NEGR1: variants seen among roughly 807,000 people sequenced by gnomAD.
The protein encoded by NEGR1 is neuronal growth regulator 1, also known as IgLON family member 4.
Under a neutral mutation model 40.9 loss-of-function variants are expected in NEGR1, and 10 were observed. That is an observed-to-expected ratio of 0.24 (90% CI 0.15 to 0.42). The LOEUF (loss-of-function observed/expected upper bound fraction) is 0.42, where lower values mean the gene tolerates loss of function less well. Ranked by LOEUF, NEGR1 falls within the 10% of genes least tolerant of loss-of-function variation. NEGR1 has a pLI of 1.00. For synonymous variants in NEGR1, 185 were observed against 166.8 expected, an observed-to-expected ratio of 1.11 and a Z score of -0.84; for missense variants, 352 against 438.9, an observed-to-expected ratio of 0.80 and a Z score of 1.77.
chr1:72,084,457 C>T (rs1648130347), intron 1 of NEGR1, among the ~76,000 whole-genome samples: 1 of 152,118 alleles, frequency 6.6e-6, no homozygotes, highest in Admixed American at 6.6e-5. Context: ...ATGCTCTTTC[C>T]TGAATTATTT....
In NEGR1 at chr1:72,151,126, G is replaced by C. The variant is rs188688199; in HGVS notation, c.176+131193C>G. Among the ~76,000 whole-genome samples the C allele has an allele frequency of 1.1e-3, 168 of 151,892 alleles. No homozygotes were observed. In the Middle Eastern group the frequency reaches 0.024, roughly 22 times the overall value. On this transcript the variant is annotated intron_variant, in intron 1 of 6. Coordinates refer to ENST00000357731, the MANE Select transcript of NEGR1 (RefSeq NM_173808.3). ...GAGGAGGAATTTCTTACAATATAGAGAAACAAACAAGAAACGAAATGAAGA... is the reference window on the plus strand; with the variant it reads ...GAGGAGGAATTTCTTACAATATAGACAAACAAACAAGAAACGAAATGAAGA...
intron 6 of NEGR1, chr1:71,407,859 A>G (rs947853402): frequency 3.9e-5 from 12 of 304,832 alleles, no homozygotes; most frequent in African/African-American, 2.6e-4. Context: ...TACATCAACT[A>G]AACACATGCT....
At chr1:71,983,392 T>C (rs1225725246) in intron 1 of NEGR1, among the ~76,000 whole-genome samples, 1 of 152,128 alleles carries the variant, frequency 6.6e-6, no homozygotes, top group Non-Finnish European at 1.5e-5. Context: ...AAAATCAGAT[T>C]AAATAGCTTT....
At chr1:71,644,116 C>T (rs989441351) in intron 4 of NEGR1, among the ~76,000 whole-genome samples, 1 of 151,982 alleles carries the variant, frequency 6.6e-6, no homozygotes, top group African/African-American at 2.4e-5. Context: ...AAAACCACTA[C>T]ACTGGTCCCT....
chr1:71,665,018 G>C (rs1163836019), intron 4 of NEGR1, among the ~76,000 whole-genome samples: 1 of 152,048 alleles, frequency 6.6e-6, no homozygotes, highest in Non-Finnish European at 1.5e-5. Flanking sequence ...TAAAATAACT[G>C]TCAAAAGGTT....
chr1:71,412,320 C>T (rs368510836), intron 6 of NEGR1, among the ~76,000 whole-genome samples: 2 of 152,276 alleles, frequency 1.3e-5, no homozygotes, highest in Admixed American at 6.5e-5. Context: ...TTATTAAAGT[C>T]CTGCTCATCC....
At chr1:72,133,465 A>G (rs191627613) in intron 1 of NEGR1, among the ~76,000 whole-genome samples, 100 of 152,114 alleles carry the variant, frequency 6.6e-4, no homozygotes, top group Non-Finnish European at 1.3e-3. Context: ...AGTAAAATAT[A>G]ATTTTGGTTT....
At chr1:71,644,543 T>A (rs1286173036) in intron 4 of NEGR1, among the ~76,000 whole-genome samples, 2 of 151,950 alleles carry the variant, frequency 1.3e-5, no homozygotes, top group Non-Finnish European at 2.9e-5. Flanking sequence ...TATTTATTCA[T>A]GTATCTCAAG....
intron 1 of NEGR1, among the ~76,000 whole-genome samples, chr1:72,180,473 C>T (rs1652325094): frequency 6.7e-6 from 1 of 149,638 alleles, no homozygotes; most frequent in African/African-American, 2.4e-5. Context: ...AATAGAATTA[C>T]AAAAACTAAA....
intron 4 of NEGR1, among the ~76,000 whole-genome samples, chr1:71,640,471 T>A (rs903216105): frequency 6.6e-6 from 1 of 152,060 alleles, no homozygotes; most frequent in Non-Finnish European, 1.5e-5. Flanking sequence ...TGCAATATCC[T>A]GGTATCTGTG....
chr1:72,200,695 TA>T (rs1014455892), intron 1 of NEGR1, among the ~76,000 whole-genome samples: 1 of 151,922 alleles, frequency 6.6e-6, no homozygotes, highest in Non-Finnish European at 1.5e-5. Context: ...AGATTTTCCT[TA>T]AAAATACAAT....
rs767114424 is a variant in NEGR1 at position 71,822,230 on chromosome 1, C to A, written c.410-45933G>T. Among the ~76,000 whole-genome samples, 3 of 151,972 alleles carry A rather than the reference C, an allele frequency of 2.0e-5. No homozygotes were observed. In the East Asian group the frequency reaches 5.9e-4, roughly 30 times the overall value. ...ATGCAAATGGCCTGGAAGCAAAAGGCTAGACTGTCACAGACAAGGATGAAT... is the reference window on the plus strand; with the variant it reads ...ATGCAAATGGCCTGGAAGCAAAAGGATAGACTGTCACAGACAAGGATGAAT... On this transcript the variant is annotated intron_variant, in intron 2 of 6. Transcript: ENST00000357731.
At chr1:71,807,386 C>A (rs1021542985) in intron 2 of NEGR1, among the ~76,000 whole-genome samples, 1 of 151,822 alleles carries the variant, frequency 6.6e-6, no homozygotes, top group Non-Finnish European at 1.5e-5. Context: ...AGAAGTCAAT[C>A]AAATAAAGAA....
intron 3 of NEGR1, among the ~76,000 whole-genome samples, chr1:71,773,615 T>C (rs1656404068): frequency 1.3e-5 from 2 of 152,218 alleles, no homozygotes; most frequent in Admixed American, 6.5e-5. Context: ...CTTTAGGTGC[T>C]GTGAATTTGA....
intron 6 of NEGR1, among the ~76,000 whole-genome samples, chr1:71,510,510 T>C (rs1647065479): frequency 6.6e-6 from 1 of 152,122 alleles, no homozygotes; most frequent in African/African-American, 2.4e-5. Context: ...TCATGCAGCT[T>C]GAAGGTCACG....
intron 2 of NEGR1, among the ~76,000 whole-genome samples, chr1:71,808,132 C>T (rs1657848105): frequency 6.6e-6 from 1 of 152,006 alleles, no homozygotes; most frequent in Non-Finnish European, 1.5e-5. Context: ...GCAAAACATG[C>T]CAGTAAGATC....
intron 1 of NEGR1, among the ~76,000 whole-genome samples, chr1:72,218,712 G>C (rs553917688): frequency 6.6e-6 from 1 of 151,812 alleles, no homozygotes; most frequent in East Asian, 1.9e-4. Flanking sequence ...AGGATTAAGA[G>C]AATGAAAAGA....
At chr1:71,530,125 C>A (rs529899258) in intron 6 of NEGR1, among the ~76,000 whole-genome samples, 1 of 151,204 alleles carries the variant, frequency 6.6e-6, no homozygotes, top group African/African-American at 2.4e-5. Flanking sequence ...AATATGAGAT[C>A]TGTGCTGAGT....
At chr1:72,118,102 T>C (rs1649651128) in intron 1 of NEGR1, among the ~76,000 whole-genome samples, 1 of 151,890 alleles carries the variant, frequency 6.6e-6, no homozygotes, top group African/African-American at 2.4e-5. Context: ...TATTCTTATG[T>C]GTGCCCCAAG....
Sources: allele counts gnomAD v4.1 joint callset (sites outside exome capture counted in the v4.1 genomes callset), GRCh38; gene constraint gnomAD v4.1.1; transcripts MANE v1.5; gene names NCBI Gene and HGNC (gene_info 2026-07-23, HGNC 2026-07-21).